The following DMC1 variants were observed in gnomAD, a reference collection of about 807,000 sequenced individuals.
DMC1 encodes the protein meiotic recombination protein DMC1 homolog.
Under a neutral mutation model 50.1 loss-of-function variants are expected in DMC1, and 27 were observed. The observed-to-expected ratio is 0.54, with a 90% CI of 0.40 to 0.74. The LOEUF (loss-of-function observed/expected upper bound fraction) is 0.74, where lower values mean the gene tolerates loss of function less well. DMC1 is among the 30% of genes least tolerant of loss of function. The pLI is 0.00. For synonymous variants in DMC1, 148 were observed against 136.1 expected (o/e 1.09, Z -0.61); for missense variants, 295 against 420.2 (o/e 0.70, Z 2.60).
intron 8 of DMC1, among the ~76,000 whole-genome samples, chr22:38,544,108 C>A (rs1273947600): frequency 6.6e-6 from 1 of 152,076 alleles, no homozygotes; most frequent in African/African-American, 2.4e-5. Context: ...GGATTAATAA[C>A]CAGAATATAT....
At chr22:38,560,745 A>G (rs11570398) in intron 5 of DMC1, among the ~76,000 whole-genome samples, 1,529 of 152,074 alleles carry the variant, frequency 0.01, 26 homozygotes, top group African/African-American at 0.035. Context: ...AAGCATAAAC[A>G]AATGTAGAAA....
At chr22:38,565,265 G>A (rs1290646389) in intron 4 of DMC1, among the ~76,000 whole-genome samples, 1 of 150,718 alleles carries the variant, frequency 6.6e-6, no homozygotes, top group African/African-American at 2.4e-5. Flanking sequence ...GGTAGGAGAG[G>A]GGATTTGACT....
chr22:38,541,374 C>A (rs2090279146), intron 8 of DMC1, among the ~76,000 whole-genome samples: 1 of 152,186 alleles, frequency 6.6e-6, no homozygotes, highest in South Asian at 2.1e-4. Context: ...TCACTGCAAC[C>A]TCTGCCTCCC....
intron 9 of DMC1, among the ~76,000 whole-genome samples, chr22:38,539,060 AT>A (rs2090250934): frequency 6.6e-6 from 1 of 152,080 alleles, no homozygotes; most frequent in Non-Finnish European, 1.5e-5. Flanking sequence ...ATTATTGCAT[AT>A]TCTGCCTTAG....
At position 38,525,075 on chromosome 22, in the gene DMC1, AAATT is replaced by A. The variant is rs964944522; in HGVS notation, c.837-3355_837-3352del. Among the ~76,000 whole-genome samples, 14 of 152,088 alleles carry A rather than the reference AAATT, an allele frequency of 9.2e-5. 1 individual carries two copies. Among genetic ancestry groups the A allele is most frequent in the South Asian group, 4.1e-4 (2 of 4,820 alleles). The stretch of plus-strand genomic sequence containing the variant: ...AGACTACGTCTCAAAATAAATAAAT[AAATT>A]AATTAATTAATTAAGCACACTACAT... On this transcript the variant is annotated intron_variant, in intron 12 of 13. Transcript: ENST00000216024.
At chr22:38,535,727 C>A (rs2090204204) in intron 12 of DMC1, among the ~76,000 whole-genome samples, 1 of 151,794 alleles carries the variant, frequency 6.6e-6, no homozygotes, top group South Asian at 2.1e-4. Flanking sequence ...CCTGTCTTAG[C>A]CTCCCAAGAA....
At chr22:38,541,827 C>G (rs1057205026) in intron 8 of DMC1, among the ~76,000 whole-genome samples, 8 of 151,954 alleles carry the variant, frequency 5.3e-5, no homozygotes, top group African/African-American at 1.9e-4. Flanking sequence ...CAACAAAATA[C>G]TAGCAAACCA....
At chr22:38,551,157 A>C (rs925419603) in intron 7 of DMC1, among the ~76,000 whole-genome samples, 7 of 150,894 alleles carry the variant, frequency 4.6e-5, no homozygotes, top group Admixed American at 1.3e-4. Context: ...CTGAGGCAGG[A>C]GAATCGCTTG....
downstream of DMC1, among the ~76,000 whole-genome samples, chr22:38,514,445 T>C (rs1431584585): frequency 2.0e-5 from 3 of 151,878 alleles, no homozygotes; most frequent in Non-Finnish European, 4.4e-5. Context: ...GGTTTCACCA[T>C]GTTGGCCAGG....
At chr22:38,532,849 C>T in intron 12 of DMC1, among the ~76,000 whole-genome samples, 1 of 151,838 alleles carries the variant, frequency 6.6e-6, no homozygotes. Context: ...CTCAAGCGAT[C>T]CTCCTGCCTC....
chr22:38,526,480 T>A (rs2090090932), intron 12 of DMC1, among the ~76,000 whole-genome samples: 1 of 152,140 alleles, frequency 6.6e-6, no homozygotes, highest in African/African-American at 2.4e-5. Context: ...AGTGCTGGGA[T>A]TACAGGCGTG....
intron 5 of DMC1, among the ~76,000 whole-genome samples, chr22:38,558,865 A>G (rs2090495868): frequency 1.3e-5 from 2 of 152,188 alleles, no homozygotes; most frequent in African/African-American, 4.8e-5. Context: ...AGAGTAACTA[A>G]AGAAAATCAG....
chr22:38,530,391 CCT>C (rs1451911365), intron 12 of DMC1, among the ~76,000 whole-genome samples: 1 of 152,028 alleles, frequency 6.6e-6, no homozygotes, highest in Non-Finnish European at 1.5e-5. Flanking sequence ...GTAATTCTCC[CCT>C]CTGTCTTCTC....
chr22:38,561,033 C>T (rs1001649734), intron 5 of DMC1, among the ~76,000 whole-genome samples: 32 of 151,838 alleles, frequency 2.1e-4, no homozygotes, highest in Non-Finnish European at 2.6e-4. Context: ...TTTCTCTCTG[C>T]GTCACCCAGG....
At chr22:38,516,923 T>C (rs953970757), downstream of DMC1, among the ~76,000 whole-genome samples, 4 of 152,168 alleles carry the variant, frequency 2.6e-5, no homozygotes, top group African/African-American at 9.7e-5. Context: ...CTTCCTGGGC[T>C]TAAGTGATTC....
At chr22:38,559,667 CAA>C (rs1400478250) in intron 5 of DMC1, among the ~76,000 whole-genome samples, 1 of 152,076 alleles carries the variant, frequency 6.6e-6, no homozygotes, top group South Asian at 2.1e-4. Context: ...AACTAGAGAA[CAA>C]AAGAGACAGA....
chr22:38,510,251 C>T, the DMC1 span, among the ~76,000 whole-genome samples: 2 of 151,666 alleles, frequency 1.3e-5, no homozygotes, highest in Admixed American at 6.6e-5. Context: ...GTCAGGAACT[C>T]GAGATCAGCC....
At chr22:38,554,082 T>C (rs2090443734) in intron 6 of DMC1, among the ~76,000 whole-genome samples, 1 of 151,030 alleles carries the variant, frequency 6.6e-6, no homozygotes, top group African/African-American at 2.4e-5. Flanking sequence ...TGAGCCGAGA[T>C]GGCACCACTG....
chr22:38,567,542 C>A (rs1443054410), intron 3 of DMC1, 41 bp downstream of exon 3: 1 of 1,514,064 alleles, frequency 6.6e-7, no homozygotes, highest in Non-Finnish European at 9.2e-7. Context: ...CTGAGAAATC[C>A]TGAATCAGAC....
Sources: gnomAD v4.1 joint callset for allele counts (sites outside exome capture counted in the v4.1 genomes callset) on GRCh38, gnomAD v4.1.1 for gene constraint, MANE v1.5 for transcripts, NCBI Gene and HGNC (gene_info 2026-07-23, HGNC 2026-07-21) for gene names.